Variants in OSMR observed in about 807,000 individuals in gnomAD.
OSMR encodes the protein oncostatin-M-specific receptor subunit beta.
Under a neutral mutation model 99.9 loss-of-function variants are expected in OSMR, and 81 were observed. The observed-to-expected ratio is 0.81, with a 90% CI of 0.68 to 0.97. The LOEUF is 0.97. Among genes scored for constraint, OSMR ranks in the 50% least tolerant of loss-of-function variants. OSMR has a pLI of 0.00. For synonymous variants in OSMR, 406 were observed against 410.4 expected (o/e 0.99, Z 0.13); for missense variants, 1,099 against 1,153.4 (o/e 0.95, Z 0.68).
chr5:38,902,210 G>A (rs1377022458), intron 7 of OSMR, among the ~76,000 whole-genome samples: 3 of 152,208 alleles, frequency 2.0e-5, no homozygotes, highest in Non-Finnish European at 2.9e-5. Flanking sequence ...TAAGCCATTG[G>A]AACTTGGGGA....
intron 7 of OSMR, among the ~76,000 whole-genome samples, chr5:38,890,318 A>G (rs1444572345): frequency 6.6e-6 from 1 of 152,206 alleles, no homozygotes; most frequent in Non-Finnish European, 1.5e-5. Context: ...TAACAAGGTC[A>G]TCATGCATGG....
chr5:38,885,180 G>A (rs1743614112), intron 5 of OSMR, 169 bp from the exon 6 acceptor site: 2 of 985,346 alleles, frequency 2.0e-6, no homozygotes, highest in Non-Finnish European at 2.4e-6. Context: ...AAGATGAGGT[G>A]ACCCCTGAAA....
rs370864963 is a variant in OSMR, at chr5:38,910,301, G to A, written c.1285+5798G>A. On this transcript the variant is annotated intron_variant, in intron 9 of 17. Coordinates refer to ENST00000274276, the MANE Select transcript of OSMR (RefSeq NM_003999.3). The stretch of plus-strand genomic sequence containing the variant: ...AGGAGACTTCAACATTTTGCTGACA[G>A]TATTACATGAATTATCAGGGCAGAA... Among the ~76,000 whole-genome samples, 212 of 152,240 alleles carry A rather than the reference G, an allele frequency of 1.4e-3. 7 individuals are homozygous for A. The South Asian group carries it at 0.042, about 31-fold the overall frequency.
chr5:38,877,205 C>T (rs1742907985), intron 3 of OSMR, among the ~76,000 whole-genome samples: 2 of 152,196 alleles, frequency 1.3e-5, no homozygotes, highest in African/African-American at 4.8e-5. Context: ...AAGCCTAGGA[C>T]TGTGCTTGGG....
intron 12 of OSMR, chr5:38,922,889 C>T (rs116423466): frequency 0.019 from 2,913 of 152,470 alleles, 31 homozygotes; most frequent in Non-Finnish European, 0.031. Flanking sequence ...GAGTCTCCTT[C>T]CTCAGCCTCC....
chr5:38,922,749 G>C (rs951187017), intron 12 of OSMR, among the ~76,000 whole-genome samples: 1 of 152,104 alleles, frequency 6.6e-6, no homozygotes, highest in Non-Finnish European at 1.5e-5. Flanking sequence ...CAATTATTAG[G>C]GGAGCACAAA....
intron 1 of OSMR, among the ~76,000 whole-genome samples, chr5:38,857,174 T>A (rs1373729480): frequency 6.6e-6 from 1 of 152,222 alleles, no homozygotes. Flanking sequence ...TAGGAAAACA[T>A]CAAAATTTTA....
intron 1 of OSMR, among the ~76,000 whole-genome samples, chr5:38,942,533 C>G (rs1000672619): frequency 2.0e-5 from 3 of 150,718 alleles, no homozygotes; most frequent in African/African-American, 7.3e-5. Context: ...TCATTGCAAC[C>G]TCTGAGTCCT....
At chr5:38,863,530 T>C (rs1330416526) in intron 1 of OSMR, among the ~76,000 whole-genome samples, 1 of 152,100 alleles carries the variant, frequency 6.6e-6, no homozygotes, top group African/African-American at 2.4e-5. Flanking sequence ...AGCAAGACTT[T>C]GTTTCAAAGA....
intron 4 of OSMR, 123 bp from the exon 5 acceptor site, chr5:38,883,704 G>T: frequency 6.4e-7 from 1 of 1,560,586 alleles, no homozygotes; most frequent in East Asian, 2.3e-5. Context: ...AGAAATTTAG[G>T]TTGCTATTTT....
chr5:38,923,048 T>C, intron 12 of OSMR, 102 bp from the exon 13 acceptor site: 2 of 1,449,158 alleles, frequency 1.4e-6, no homozygotes, highest in Non-Finnish European at 1.9e-6. Context: ...AGTGCTGGGA[T>C]TTCAGGCGTG....
intron 9 of OSMR, among the ~76,000 whole-genome samples, chr5:38,907,398 G>T (rs1745315356): frequency 6.6e-6 from 1 of 152,234 alleles, no homozygotes; most frequent in Non-Finnish European, 1.5e-5. Flanking sequence ...ATCCTGGGCA[G>T]GGCCCAGAGG....
chr5:38,919,307 C>T, intron 11 of OSMR: 1 of 1,468,230 alleles, frequency 6.8e-7, no homozygotes, highest in Non-Finnish European at 9.1e-7. Flanking sequence ...CTTCAACATA[C>T]ATGGGAAATT....
rs528979345 is a variant in OSMR at position 38,913,549 on chromosome 5, C to CA, written c.1286-3980dup. ...TGGACGACAGAGTGAGACTCCATCT[C>CA]AAAAAAAAAAAAAAAAATGGGTGAA... On this transcript the variant is annotated intron_variant, in intron 9 of 17. Coordinates refer to ENST00000274276, the MANE Select transcript of OSMR (RefSeq NM_003999.3). 5.0e-3 allele frequency among the ~76,000 whole-genome samples: 623 copies of CA among 123,600 alleles called. 4 individuals carry two copies. The highest frequency in any genetic ancestry group is 7.3e-3 in the Non-Finnish European group (419 of 57,426). The allele number at this position is 123,600 out of a possible 152,430, so 81.1% of individuals were successfully genotyped here.
chr5:38,943,152 G>A, intron 1 of OSMR: 1 of 302,546 alleles, frequency 3.3e-6, no homozygotes, highest in Non-Finnish European at 5.4e-6. Context: ...GACATTCTGA[G>A]TTTGGGTTTT....
chr5:38,931,789 A>C, intron 15 of OSMR, 94 bp from the exon 16 acceptor site: 1 of 1,562,004 alleles, frequency 6.4e-7, no homozygotes, highest in South Asian at 1.1e-5. Context: ...AATAATAAAC[A>C]TGTAAAATTA....
At chr5:38,904,713 G>A (rs980045124) in intron 9 of OSMR, among the ~76,000 whole-genome samples, 33 of 152,176 alleles carry the variant, frequency 2.2e-4, no homozygotes, top group African/African-American at 7.7e-4. Context: ...TATTTATACT[G>A]CCTATCTTCT....
downstream of OSMR, chr5:38,945,479 G>T: frequency 1.3e-6 from 2 of 1,562,218 alleles, no homozygotes; most frequent in Non-Finnish European, 1.8e-6. Flanking sequence ...AAGGTGGGAC[G>T]TGATCACTTA....
At chr5:38,922,163 G>A (rs930860569) in intron 12 of OSMR, among the ~76,000 whole-genome samples, 2 of 152,128 alleles carry the variant, frequency 1.3e-5, no homozygotes, top group African/African-American at 2.4e-5. Flanking sequence ...GATGAGAATC[G>A]ATCATCAACT....
Sources: allele counts gnomAD v4.1 joint callset (sites outside exome capture counted in the v4.1 genomes callset), GRCh38; gene constraint gnomAD v4.1.1; transcripts MANE v1.5; gene names NCBI Gene and HGNC (gene_info 2026-07-23, HGNC 2026-07-21).